SLC44A5: variants seen among roughly 807,000 people sequenced by gnomAD.
SLC44A5 encodes choline transporter-like protein 5.
A neutral mutation model predicts 101.8 loss-of-function variants in SLC44A5; 57 were observed. The observed-to-expected ratio is 0.56, with a 90% CI of 0.45 to 0.70. The LOEUF is 0.70. SLC44A5 is among the 30% of genes least tolerant of loss of function. The pLI is 0.00. For synonymous variants in SLC44A5, 281 were observed against 290.9 expected (o/e 0.97, Z 0.35); for missense variants, 737 against 853.1 (o/e 0.86, Z 1.70).
intron 12 of SLC44A5, among the ~76,000 whole-genome samples, chr1:75,233,126 T>C (rs999760936): frequency 6.6e-6 from 1 of 152,136 alleles, no homozygotes; most frequent in South Asian, 2.1e-4. Context: ...ACACTTTAAT[T>C]CATATGTAGA....
At chr1:75,302,948 T>G (rs1654612187) in intron 4 of SLC44A5, among the ~76,000 whole-genome samples, 1 of 152,170 alleles carries the variant, frequency 6.6e-6, no homozygotes, top group African/African-American at 2.4e-5. Flanking sequence ...AAGACATAAA[T>G]TATTTATTTC....
rs2100569552 is a variant in SLC44A5, at chr1:75,234,000, C to T, written c.839G>A (p.Gly280Glu). 4 of 1,610,498 alleles carry T rather than the reference C, an allele frequency of 2.5e-6. No homozygotes were observed. In the East Asian group the frequency reaches 8.9e-5, roughly 36 times the overall value. The change falls in exon 12 of 24, where the codon GGA becomes GAA. Residue 280 changes from glycine (G) to glutamate (E), a missense_variant. Around this residue, in one of 3 missense-constraint regions of SLC44A5, gnomAD observed 665 missense variants for 764.4 expected, o/e 0.87. Coordinates refer to ENST00000370859, the MANE Select transcript of SLC44A5 (RefSeq NM_001130058.2). ...GTGATACCTACCATAACCTATAATT[C>T]CAATCACACCAATCATGAAGACCCA... ...LFWVFMIGVI[G>E]IIGYGIWHCY...
chr1:75,684,290 C>T, the SLC44A5 span, among the ~76,000 whole-genome samples: 3 of 152,114 alleles, frequency 2.0e-5, no homozygotes, highest in Non-Finnish European at 2.9e-5. Flanking sequence ...GGAGCCAAAC[C>T]ATATTATTGC....
intron 4 of SLC44A5, among the ~76,000 whole-genome samples, chr1:75,321,299 C>T (rs1046285638): frequency 6.6e-6 from 1 of 152,096 alleles, no homozygotes; most frequent in African/African-American, 2.4e-5. Context: ...TAACAAACAC[C>T]ACAGACTGAA....
intron 1 of SLC44A5, among the ~76,000 whole-genome samples, chr1:75,585,972 T>C (rs575183730): frequency 1.3e-5 from 2 of 152,256 alleles, no homozygotes; most frequent in African/African-American, 2.4e-5. Flanking sequence ...ACAAAAACTT[T>C]AATCATATTT....
chr1:75,320,987 A>T (rs1656097607), intron 4 of SLC44A5, among the ~76,000 whole-genome samples: 1 of 152,154 alleles, frequency 6.6e-6, no homozygotes, highest in Non-Finnish European at 1.5e-5. Context: ...TAAGGCAAAA[A>T]AAATTCCCGA....
chr1:75,296,451 A>C (rs1165654114), intron 5 of SLC44A5, among the ~76,000 whole-genome samples: 1 of 151,038 alleles, frequency 6.6e-6, no homozygotes, highest in Admixed American at 6.6e-5. Context: ...CAATTACCTC[A>C]TCAGGCTCTG....
chr1:75,612,087 G>T (rs1050687756), upstream of SLC44A5, among the ~76,000 whole-genome samples: 1 of 152,152 alleles, frequency 6.6e-6, no homozygotes, highest in Non-Finnish European at 1.5e-5. Flanking sequence ...TCCTAGAGAT[G>T]CTATCAATAT....
At chr1:75,443,022 T>G (rs2101631971) in intron 2 of SLC44A5, among the ~76,000 whole-genome samples, 1 of 152,266 alleles carries the variant, frequency 6.6e-6, no homozygotes, top group Middle Eastern at 3.4e-3. Flanking sequence ...TTGGAATTGA[T>G]TAATAAACTA....
At chr1:75,633,661 T>C in the SLC44A5 span, among the ~76,000 whole-genome samples, 2 of 152,080 alleles carry the variant, frequency 1.3e-5, no homozygotes, top group African/African-American at 4.8e-5. Flanking sequence ...TCATGTCATC[T>C]GCAAACAGGG....
rs898970209 is a variant in SLC44A5, at chr1:75,526,164, G to A, written c.13+15271C>T. On this transcript the variant is annotated intron_variant, in intron 2 of 23. Coordinates refer to ENST00000370859, the MANE Select transcript of SLC44A5 (RefSeq NM_001130058.2). ...TTCCAGTTTCACTTCTATGGGTCTC[G>A]TCACTTCCTGTGATATATTTCAGTT... Among the ~76,000 whole-genome samples, 19 of 152,016 alleles carry A rather than the reference G, an allele frequency of 1.2e-4. No homozygotes were observed. In the South Asian group the frequency reaches 2.1e-3, roughly 17 times the overall value.
At position 75,234,357 on chromosome 1, in the gene SLC44A5, T is replaced by C. The variant is rs138451041; in HGVS notation, c.741-259A>G. 3.7e-3 allele frequency among the ~76,000 whole-genome samples: 565 copies of C among 152,222 alleles called. 4 individuals are homozygous for C. Among genetic ancestry groups the C allele is most frequent in the Admixed American group, 5.4e-3 (82 of 15,274 alleles). ...GTAAACTGAAGTCTAGTATCAGTCA[T>C]TGTTCAAGGAAAAATACAATTTCTC... On this transcript the variant is annotated intron_variant, in intron 11 of 23. Coordinates refer to ENST00000370859, the MANE Select transcript of SLC44A5 (RefSeq NM_001130058.2).
chr1:75,276,575 G>C (rs1651941800), intron 5 of SLC44A5, among the ~76,000 whole-genome samples: 1 of 152,048 alleles, frequency 6.6e-6, no homozygotes, highest in South Asian at 2.1e-4. Flanking sequence ...TACAAAATGA[G>C]TATAATAATA....
chr1:75,289,227 T>A (rs1653329333), intron 5 of SLC44A5, among the ~76,000 whole-genome samples: 1 of 152,184 alleles, frequency 6.6e-6, no homozygotes, highest in Non-Finnish European at 1.5e-5. Context: ...TAATCCAGGC[T>A]GCTTTACAAA....
intron 2 of SLC44A5, among the ~76,000 whole-genome samples, chr1:75,495,202 T>C (rs1198180034): frequency 6.6e-6 from 1 of 152,194 alleles, no homozygotes; most frequent in Non-Finnish European, 1.5e-5. Context: ...ATGCCTATAA[T>C]CCCAGCACTT....
intron 3 of SLC44A5, among the ~76,000 whole-genome samples, chr1:75,376,172 G>A (rs1031871995): frequency 5.3e-5 from 8 of 152,224 alleles, no homozygotes; most frequent in Non-Finnish European, 1.0e-4. Context: ...CCCACACCTG[G>A]CTCAGAGGGT....
the SLC44A5 span, among the ~76,000 whole-genome samples, chr1:75,644,918 T>G: frequency 5.3e-5 from 8 of 151,766 alleles, no homozygotes; most frequent in Non-Finnish European, 8.8e-5. Flanking sequence ...AGAATGATGG[T>G]TTCCAGCTTC....
At chr1:75,496,187 T>C (rs1157565376) in intron 2 of SLC44A5, among the ~76,000 whole-genome samples, 2 of 152,130 alleles carry the variant, frequency 1.3e-5, no homozygotes, top group Non-Finnish European at 2.9e-5. Context: ...AACATCACAC[T>C]TTCTGATTTC....
intron 1 of SLC44A5, among the ~76,000 whole-genome samples, chr1:75,604,391 T>C (rs974851865): frequency 6.6e-6 from 1 of 152,150 alleles, no homozygotes; most frequent in African/African-American, 2.4e-5. Flanking sequence ...TTTGTACCAG[T>C]ACCATGCTGT....
Sources: gnomAD v4.1 joint callset for allele counts (sites outside exome capture counted in the v4.1 genomes callset) on GRCh38, gnomAD v4.1.1 for gene constraint, gnomAD v4.1.1 regional missense constraint, MANE v1.5 for transcripts, NCBI Gene and HGNC (gene_info 2026-07-23, HGNC 2026-07-21) for gene names.